The following UST variants were observed in gnomAD, a reference collection of about 807,000 sequenced individuals.
The protein encoded by UST is uronyl 2-sulfotransferase.
A neutral mutation model predicts 45.6 loss-of-function variants in UST; 21 were observed. The ratio of observed to expected loss-of-function variants is 0.46; its 90% CI spans 0.33 to 0.66. The LOEUF (loss-of-function observed/expected upper bound fraction) is 0.66, where lower values mean the gene tolerates loss of function less well. UST is among the 30% of genes least tolerant of loss of function. The probability of loss-of-function intolerance (pLI) is 0.02; values close to 1 mark genes in which losing one functional copy is unlikely to be tolerated. For missense variants in UST, 463 were observed against 512.4 expected (o/e 0.90, Z 0.93); for synonymous variants, 215 against 200.6 (o/e 1.07, Z -0.61).
At chr6:148,855,008 G>A (rs1453762258) in intron 1 of UST, among the ~76,000 whole-genome samples, 3 of 152,108 alleles carry the variant, frequency 2.0e-5, no homozygotes, top group African/African-American at 7.2e-5. Flanking sequence ...AAGGCAAGGA[G>A]GATCAAGTCA....
At chr6:148,828,309 C>G (rs1777611595) in intron 1 of UST, among the ~76,000 whole-genome samples, 1 of 151,714 alleles carries the variant, frequency 6.6e-6, no homozygotes, top group Admixed American at 6.6e-5. Context: ...ATTTTAATGC[C>G]TGACTTGAGG....
intron 2 of UST, among the ~76,000 whole-genome samples, chr6:148,913,255 C>T (rs1034181153): frequency 6.6e-6 from 1 of 152,028 alleles, no homozygotes; most frequent in Non-Finnish European, 1.5e-5. Context: ...AACATCCATC[C>T]GGAATTGATT....
chr6:148,804,241 T>C (rs775564246), intron 1 of UST, among the ~76,000 whole-genome samples: 18 of 152,172 alleles, frequency 1.2e-4, no homozygotes, highest in South Asian at 6.2e-4. Flanking sequence ...ATCTCAGAGA[T>C]AGAGAGAGGG....
chr6:148,984,159 C>T (rs1582943027), intron 5 of UST, among the ~76,000 whole-genome samples: 1 of 152,184 alleles, frequency 6.6e-6, no homozygotes, highest in South Asian at 2.1e-4. Context: ...CTTCATTCTT[C>T]CTTTCAACAA....
At chr6:148,888,558 A>G (rs763041768) in intron 2 of UST, among the ~76,000 whole-genome samples, 22 of 152,226 alleles carry the variant, frequency 1.4e-4, no homozygotes, top group Non-Finnish European at 2.6e-4. Context: ...GGGTGGGACT[A>G]AAAATACCGC....
chr6:149,048,010 A>C (rs1776418145), intron 7 of UST, among the ~76,000 whole-genome samples: 1 of 152,246 alleles, frequency 6.6e-6, no homozygotes, highest in Admixed American at 6.5e-5. Flanking sequence ...CTCTCTGGTA[A>C]AGATCATTAA....
chr6:148,992,841 CT>C (rs1379183153), intron 5 of UST: 4 of 237,300 alleles, frequency 1.7e-5, no homozygotes, highest in Non-Finnish European at 2.7e-5. Flanking sequence ...TTGAGGGAAT[CT>C]TAACCTCTTT....
chr6:149,019,147 T>C lies in UST; in HGVS notation c.690T>C (p.Asn230=), dbSNP rs769354477. ...MRQEERYLDI[N]ECILENYPEC... is the part of the protein sequence containing the mutation. ...TGTATTTTCTCTTCTAGGATATCAA[T>C]GAGTGTATTCTTGAAAACTATCCCG... Residue 230 remains asparagine (N), a synonymous_variant, in exon 6 of 8, where the codon AAT becomes AAC. Transcript: ENST00000367463. 1 of 1,612,428 alleles carries C rather than the reference T, an allele frequency of 6.2e-7. No homozygotes were observed. The highest frequency in any genetic ancestry group is 8.5e-7 in the Non-Finnish European group (1 of 1,178,456).
At chr6:149,070,299 A>G (rs1776800449) in intron 7 of UST, among the ~76,000 whole-genome samples, 1 of 152,228 alleles carries the variant, frequency 6.6e-6, no homozygotes, top group Admixed American at 6.5e-5. Flanking sequence ...ACAAAAAGGA[A>G]CACCTAAGAC....
chr6:148,937,687 C>T (rs567754079), intron 2 of UST, among the ~76,000 whole-genome samples: 98 of 152,194 alleles, frequency 6.4e-4, no homozygotes, highest in Non-Finnish European at 1.0e-3. Flanking sequence ...TAATAAAGTA[C>T]TTACCTATGT....
At chr6:148,872,302 T>G (rs2114817914) in intron 1 of UST, among the ~76,000 whole-genome samples, 1 of 152,228 alleles carries the variant, frequency 6.6e-6, no homozygotes, top group East Asian at 1.9e-4. Context: ...GATGATGGTG[T>G]CTATATGAGG....
chr6:148,817,454 G>A (rs1045601263), intron 1 of UST, among the ~76,000 whole-genome samples: 8 of 152,164 alleles, frequency 5.3e-5, no homozygotes, highest in Non-Finnish European at 1.2e-4. Flanking sequence ...CAAGGTGGTC[G>A]GGGTGCAGCT....
At chr6:148,854,259 G>T (rs1336045172) in intron 1 of UST, among the ~76,000 whole-genome samples, 1 of 152,160 alleles carries the variant, frequency 6.6e-6, no homozygotes, top group Non-Finnish European at 1.5e-5. Flanking sequence ...GTAGGATCTT[G>T]GAATTGGGGC....
intron 1 of UST, among the ~76,000 whole-genome samples, chr6:148,760,385 G>A (rs894896365): frequency 1.7e-4 from 26 of 152,310 alleles, no homozygotes; most frequent in Middle Eastern, 3.4e-3. Context: ...CCATTTCACT[G>A]TGGGCAGCTC....
intron 2 of UST, among the ~76,000 whole-genome samples, chr6:148,940,047 A>G (rs1780093833): frequency 6.6e-6 from 1 of 152,242 alleles, no homozygotes; most frequent in Admixed American, 6.5e-5. Flanking sequence ...ATGGATTTGA[A>G]TAGACATTTC....
intron 5 of UST, among the ~76,000 whole-genome samples, chr6:149,015,842 G>C (rs1049078392): frequency 7.2e-5 from 11 of 152,174 alleles, no homozygotes; most frequent in African/African-American, 2.7e-4. Context: ...GTCAGAACAG[G>C]CCACTGTAAG....
rs1174160629 is a variant in UST at position 149,076,354 on chromosome 6, G to A, written c.*2238G>A. The A allele has an allele frequency of 6.6e-6, 1 of 152,208 alleles. No homozygotes were observed. Among genetic ancestry groups the A allele is most frequent in the African/African-American group, 2.4e-5 (1 of 41,450 alleles). The allele number at this position is 152,208 out of a possible 1,614,324, so 9.4% of individuals were successfully genotyped here. ...ATCTGAAAATAAAGTTGAGTTGGCT[G>A]TGTTTTCTCTGCTCTTGTCAGAACA... is the stretch of plus-strand genomic sequence containing the variant. On this transcript the variant is annotated 3_prime_UTR_variant, in exon 8 of 8. Coordinates refer to ENST00000367463, the MANE Select transcript of UST (RefSeq NM_005715.3).
At chr6:148,778,315 G>GA (rs11369169) in intron 1 of UST, among the ~76,000 whole-genome samples, 62,284 of 151,804 alleles carry the variant, frequency 0.41, 13,037 homozygotes, top group Non-Finnish European at 0.45. Context: ...TTTTAAACAA[G>GA]AATTTCAGAA....
chr6:148,878,222 C>CG (rs1221494079), intron 1 of UST, among the ~76,000 whole-genome samples: 3 of 70,538 alleles, frequency 4.3e-5, no homozygotes, highest in Non-Finnish European at 7.8e-5. Flanking sequence ...TGTAAGAGTG[C>CG]GGGGGTCGTG....
Sources: gnomAD v4.1 joint callset for allele counts (sites outside exome capture counted in the v4.1 genomes callset) on GRCh38, gnomAD v4.1.1 for gene constraint, MANE v1.5 for transcripts, NCBI Gene and HGNC (gene_info 2026-07-23, HGNC 2026-07-21) for gene names.